Variants in SYT11 observed in about 807,000 individuals in gnomAD.
SYT11 encodes the protein synaptotagmin 11, also known as synaptotagmin-11.
A neutral mutation model predicts 30.4 loss-of-function variants in SYT11; 12 were observed. The ratio of observed to expected loss-of-function variants is 0.39; its 90% CI spans 0.25 to 0.64. SYT11 has a LOEUF of 0.64. Ranked by LOEUF, SYT11 falls within the 30% of genes least tolerant of loss-of-function variation. The pLI, the probability that SYT11 is intolerant of heterozygous loss-of-function variation, is 0.45. For synonymous variants in SYT11, 204 were observed against 216.0 expected, an observed-to-expected ratio of 0.94 and a Z score of 0.49; for missense variants, 412 against 552.0, an observed-to-expected ratio of 0.75 and a Z score of 2.54.
At position 155,860,316 on chromosome 1, in the gene SYT11, G is replaced by A. The variant is rs1276900033; in HGVS notation, c.34+521G>A. Among the ~76,000 whole-genome samples, 1 of 152,142 alleles carries A rather than the reference G, an allele frequency of 6.6e-6. No homozygotes were observed. Reference sequence around the variant, plus strand: ...GCGGCCTCTGGGGAAAGAGGGGTGCGGGGTGGGGAGCAAAAAGGAAGCCAC... The same window carrying A: ...GCGGCCTCTGGGGAAAGAGGGGTGCAGGGTGGGGAGCAAAAAGGAAGCCAC... On this transcript the variant is annotated intron_variant, in intron 1 of 3. Coordinates refer to ENST00000368324, the MANE Select transcript of SYT11 (RefSeq NM_152280.5). This position sits in a 1 kb window ranked among gnomAD's most constrained non-coding sequence, Gnocchi z 4.1.
At chr1:155,861,775 C>A (rs1395022816) in intron 1 of SYT11, among the ~76,000 whole-genome samples, 2 of 152,176 alleles carry the variant, frequency 1.3e-5, no homozygotes, top group Non-Finnish European at 2.9e-5. Context: ...AGTGCCACCA[C>A]ACCCAGCTAA....
At chr1:155,869,919 C>T (rs369451816) in intron 2 of SYT11, among the ~76,000 whole-genome samples, 16 of 152,364 alleles carry the variant, frequency 1.1e-4, no homozygotes, top group African/African-American at 3.6e-4. Context: ...CAGCTTACCA[C>T]TTGCCAGCCG....
Position 155,881,490 on chromosome 1 carries a change from C to T in SYT11, c.1278C>T (p.His426=). ...ESPRKPVAKW[H]SLSEY ...CCCGCAAGCCTGTGGCCAAGTGGCA[C>T]AGTCTGAGCGAGTACTAATCCTGTT... Residue 426 remains histidine, a synonymous_variant, in exon 4 of 4, where the codon CAC becomes CAT. Coordinates refer to ENST00000368324, the MANE Select transcript of SYT11 (RefSeq NM_152280.5). 6.2e-7 allele frequency: 1 copy of T among 1,609,376 alleles called. No homozygotes were observed. The highest frequency in any genetic ancestry group is 8.5e-7 in the Non-Finnish European group (1 of 1,176,292).
At chr1:155,867,817 G>A in intron 1 of SYT11, 148 bp from the exon 2 acceptor site, 1 of 648,776 alleles carries the variant, frequency 1.5e-6, no homozygotes, top group African/African-American at 1.8e-5. Context: ...CTAATAGAAG[G>A]GAAAAATTCT....
chr1:155,866,868 C>G (rs1672684787), intron 1 of SYT11, among the ~76,000 whole-genome samples: 2 of 151,632 alleles, frequency 1.3e-5, no homozygotes, highest in African/African-American at 4.9e-5. Flanking sequence ...GAGAAAGTCT[C>G]TATTTCTTCC....
At chr1:155,865,440 C>G (rs1672655850) in intron 1 of SYT11, among the ~76,000 whole-genome samples, 1 of 151,932 alleles carries the variant, frequency 6.6e-6, no homozygotes, top group Admixed American at 6.6e-5. Context: ...CCAGCCTGAC[C>G]AACGTGGAGA....
Position 155,875,340 on chromosome 1 carries a change from A to C in SYT11, c.862-5160A>C, listed in dbSNP as rs150054223. ...TCTAGCAGAGAAAAAACATGAAAAT[A>C]TTTTTAAAGTTGATCCCCTTTTGTA... is the stretch of plus-strand genomic sequence containing the variant. On this transcript the variant is annotated intron_variant, in intron 2 of 3. Transcript: ENST00000368324. Among the ~76,000 whole-genome samples, 183 of 151,798 alleles carry C rather than the reference A, an allele frequency of 1.2e-3. 1 individual carries two copies. The highest frequency in any genetic ancestry group is 4.2e-3 in the African/African-American group (172 of 41,424).
intron 2 of SYT11, among the ~76,000 whole-genome samples, chr1:155,876,695 C>T (rs184483449): frequency 1.3e-5 from 2 of 152,252 alleles, no homozygotes; most frequent in Admixed American, 6.5e-5. Flanking sequence ...ACAATTCTTC[C>T]TGAGACATAT....
At chr1:155,872,882 T>C (rs1672801774) in intron 2 of SYT11, among the ~76,000 whole-genome samples, 1 of 151,966 alleles carries the variant, frequency 6.6e-6, no homozygotes, top group Non-Finnish European at 1.5e-5. Flanking sequence ...CCGTGTGAGA[T>C]GGCACAAGGT....
At chr1:155,879,761 G>T (rs1463093539) in intron 2 of SYT11, among the ~76,000 whole-genome samples, 1 of 152,222 alleles carries the variant, frequency 6.6e-6, no homozygotes. Context: ...ACTATGTGCT[G>T]GGCACCATTG....
intron 1 of SYT11, among the ~76,000 whole-genome samples, chr1:155,866,989 C>CATAT (rs1672690064): frequency 7.2e-6 from 1 of 138,464 alleles, no homozygotes; most frequent in Admixed American, 7.1e-5. Context: ...CACACACACA[C>CATAT]ACATATATAT....
intron 2 of SYT11, among the ~76,000 whole-genome samples, chr1:155,877,536 G>A (rs1449435880): frequency 1.3e-5 from 2 of 150,484 alleles, no homozygotes; most frequent in Admixed American, 6.6e-5. Flanking sequence ...ATAGGCACAC[G>A]CCACTGCGCC....
At chr1:155,879,505 G>A (rs1672927446) in intron 2 of SYT11, among the ~76,000 whole-genome samples, 1 of 152,180 alleles carries the variant, frequency 6.6e-6, no homozygotes, top group Admixed American at 6.5e-5. Flanking sequence ...ACAAAGATCA[G>A]GGTGCTGGGG....
At chr1:155,872,119 C>T (rs1571976564) in intron 2 of SYT11, among the ~76,000 whole-genome samples, 1 of 152,026 alleles carries the variant, frequency 6.6e-6, no homozygotes, top group Non-Finnish European at 1.5e-5. Flanking sequence ...GAAAATATGG[C>T]CAGGCACAGT....
chr1:155,869,786 G>T (rs552396342), intron 2 of SYT11, among the ~76,000 whole-genome samples: 2 of 152,198 alleles, frequency 1.3e-5, no homozygotes, highest in South Asian at 2.1e-4. Context: ...AATTTCAGGA[G>T]CACAGTAAGT....
In SYT11 at chr1:155,884,267, G is replaced by C. The variant is rs534045136; in HGVS notation, c.*2759G>C. 37 of 153,000 alleles carry C rather than the reference G, an allele frequency of 2.4e-4. No individual in the cohort carries two copies. Among genetic ancestry groups the C allele is most frequent in the African/African-American group, 8.9e-4 (37 of 41,546 alleles). 9.5% of individuals were successfully genotyped at this position (153,000 alleles called of 1,614,324 possible). A position where few individuals can be genotyped will look rare whatever the true frequency, so the allele number is the denominator to read the frequency against. On this transcript the variant is annotated 3_prime_UTR_variant, in exon 4 of 4. Transcript: ENST00000368324. ...GTAGCTCCTCCTGACAAACGTCTGGGAAAACAGCCTCACCCCACTCTCCTC... is the reference window on the plus strand; with the variant it reads ...GTAGCTCCTCCTGACAAACGTCTGGCAAAACAGCCTCACCCCACTCTCCTC...
chr1:155,874,430 T>C (rs1187223935), intron 2 of SYT11, among the ~76,000 whole-genome samples: 1 of 151,944 alleles, frequency 6.6e-6, no homozygotes, highest in Admixed American at 6.6e-5. Context: ...CAAAACCCCA[T>C]CTTTACCAAG....
chr1:155,880,149 G>A (rs113334467), intron 2 of SYT11, among the ~76,000 whole-genome samples: 4 of 152,062 alleles, frequency 2.6e-5, no homozygotes, highest in African/African-American at 9.7e-5. Flanking sequence ...CCAAGATCAC[G>A]TCACTGAATT....
chr1:155,880,890 A>G (rs1672950112), intron 3 of SYT11, among the ~76,000 whole-genome samples: 1 of 152,222 alleles, frequency 6.6e-6, no homozygotes, highest in African/African-American at 2.4e-5. Flanking sequence ...AGACTTCTCA[A>G]AAAGGCTGCA....
Sources: gnomAD v4.1 joint callset for allele counts (sites outside exome capture counted in the v4.1 genomes callset) on GRCh38, gnomAD v4.1.1 for gene constraint, Gnocchi (gnomAD v3.1) non-coding constraint, MANE v1.5 for transcripts, NCBI Gene and HGNC (gene_info 2026-07-23, HGNC 2026-07-21) for gene names.